Variants in FAM184B observed in about 807,000 individuals in gnomAD.
FAM184B encodes family with sequence similarity 184 member B.
A neutral mutation model predicts 135.9 loss-of-function variants in FAM184B; 111 were observed. The ratio of observed to expected loss-of-function variants is 0.82; its 90% CI spans 0.70 to 0.96. FAM184B has a LOEUF of 0.96. Ranked by LOEUF, FAM184B falls within the 40% of genes least tolerant of loss-of-function variation. The probability of loss-of-function intolerance (pLI) is 0.00; values close to 1 mark genes in which losing one functional copy is unlikely to be tolerated. For synonymous variants in FAM184B, 552 were observed against 524.8 expected (o/e 1.05, Z -0.71); for missense variants, 1,375 against 1,323.9 (o/e 1.04, Z -0.60).
At chr4:17,692,834 G>A (rs1404717123) in intron 6 of FAM184B, among the ~76,000 whole-genome samples, 1 of 152,000 alleles carries the variant, frequency 6.6e-6, no homozygotes, top group Non-Finnish European at 1.5e-5. Context: ...TACTTTTAGG[G>A]GCCCACGAAA....
intron 1 of FAM184B, among the ~76,000 whole-genome samples, chr4:17,778,344 T>A (rs551478489): frequency 6.6e-6 from 1 of 152,248 alleles, no homozygotes; most frequent in South Asian, 2.1e-4. Flanking sequence ...TCCAAATAAA[T>A]CATCATACAA....
At chr4:17,695,214 G>A (rs1280652661) in intron 5 of FAM184B, among the ~76,000 whole-genome samples, 1 of 151,456 alleles carries the variant, frequency 6.6e-6, no homozygotes, top group African/African-American at 2.4e-5. Flanking sequence ...ACTGGATGGA[G>A]TACAATAGCA....
At chr4:17,644,354 A>T (rs1715406210) in intron 12 of FAM184B, among the ~76,000 whole-genome samples, 1 of 152,208 alleles carries the variant, frequency 6.6e-6, no homozygotes, top group South Asian at 2.1e-4. Flanking sequence ...CTGGCAAACC[A>T]AATCCAGCAG....
At chr4:17,748,505 A>ATTTT (rs34998803) in intron 1 of FAM184B, among the ~76,000 whole-genome samples, 12 of 98,558 alleles carry the variant, frequency 1.2e-4, no homozygotes, top group African/African-American at 3.0e-4. Context: ...CTCTTGTGTA[A>ATTTT]TTTTTTTTTT....
intron 1 of FAM184B, among the ~76,000 whole-genome samples, chr4:17,767,113 C>G (rs967814315): frequency 2.0e-5 from 3 of 152,258 alleles, no homozygotes; most frequent in East Asian, 1.9e-4. Context: ...GCGGGGCCGC[C>G]GAGCCAACGC....
At chr4:17,649,313 G>A (rs1038385238) in intron 11 of FAM184B, among the ~76,000 whole-genome samples, 3 of 152,176 alleles carry the variant, frequency 2.0e-5, no homozygotes, top group African/African-American at 7.2e-5. Context: ...GGCCAGGCGT[G>A]GTGGCTCATG....
intron 2 of FAM184B, 63 bp downstream of exon 2, chr4:17,708,829 G>T (rs890001401): frequency 6.2e-6 from 9 of 1,447,858 alleles, no homozygotes; most frequent in Non-Finnish European, 7.3e-6. Flanking sequence ...TCTATAGCAG[G>T]TTCACAATAA....
chr4:17,658,640 A>G (rs1317605266), intron 9 of FAM184B, 78 bp from the exon 10 acceptor site: 1 of 1,362,886 alleles, frequency 7.3e-7, no homozygotes, highest in East Asian at 2.5e-5. Flanking sequence ...AAGCTTTCTA[A>G]ATGTTACCTC....
intron 7 of FAM184B, among the ~76,000 whole-genome samples, chr4:17,675,975 T>G (rs1270151317): frequency 6.6e-6 from 1 of 152,230 alleles, no homozygotes. Context: ...TTTGCTTTCT[T>G]ATTACTCATG....
intron 12 of FAM184B, among the ~76,000 whole-genome samples, chr4:17,645,991 C>T (rs1201545706): frequency 6.6e-6 from 1 of 152,200 alleles, no homozygotes; most frequent in African/African-American, 2.4e-5. Context: ...CTCATCATCA[C>T]TGGCCATCAG....
chr4:17,740,977 T>C (rs1718020485), intron 1 of FAM184B, among the ~76,000 whole-genome samples: 1 of 152,188 alleles, frequency 6.6e-6, no homozygotes, highest in South Asian at 2.1e-4. Flanking sequence ...CCCCAGTTTC[T>C]TAGTAAGGAG....
At chr4:17,638,419 C>T (rs996574709) in intron 14 of FAM184B, among the ~76,000 whole-genome samples, 1 of 151,646 alleles carries the variant, frequency 6.6e-6, no homozygotes, top group African/African-American at 2.4e-5. Flanking sequence ...TCTCGAACTC[C>T]TGGGCTCAAG....
intron 7 of FAM184B, among the ~76,000 whole-genome samples, chr4:17,674,159 T>A (rs1716257830): frequency 6.6e-6 from 1 of 152,134 alleles, no homozygotes; most frequent in Non-Finnish European, 1.5e-5. Flanking sequence ...AGTGTGCAAA[T>A]CACTTTTAAT....
intron 11 of FAM184B, among the ~76,000 whole-genome samples, chr4:17,649,459 C>T (rs1715550308): frequency 6.6e-6 from 1 of 152,060 alleles, no homozygotes; most frequent in East Asian, 1.9e-4. Context: ...TGGCAGGTGC[C>T]TGTAGTCCCA....
intron 5 of FAM184B, among the ~76,000 whole-genome samples, chr4:17,696,911 A>G (rs927426950): frequency 1.3e-5 from 2 of 152,174 alleles, no homozygotes; most frequent in African/African-American, 4.8e-5. Context: ...GATGAGGTAG[A>G]AGAGAGCAAT....
chr4:17,649,180 G>A (rs1715541703), intron 11 of FAM184B, among the ~76,000 whole-genome samples: 1 of 152,150 alleles, frequency 6.6e-6, no homozygotes, highest in South Asian at 2.1e-4. Flanking sequence ...AAATGGATGA[G>A]GTGATAAAAG....
intron 1 of FAM184B, among the ~76,000 whole-genome samples, chr4:17,767,705 GC>G (rs1718731830): frequency 1.8e-5 from 1 of 56,772 alleles, no homozygotes; most frequent in South Asian, 5.0e-4. Flanking sequence ...CCCCCTCCCC[GC>G]CCCCCACCCC....
At chr4:17,692,700 C>G (rs1243417269) in intron 6 of FAM184B, among the ~76,000 whole-genome samples, 1 of 152,026 alleles carries the variant, frequency 6.6e-6, no homozygotes, top group East Asian at 1.9e-4. Flanking sequence ...AGACACAGGT[C>G]TCATGTGGAA....
intron 7 of FAM184B, among the ~76,000 whole-genome samples, chr4:17,666,119 A>G (rs2108945344): frequency 6.6e-6 from 1 of 152,214 alleles, no homozygotes; most frequent in South Asian, 2.1e-4. Flanking sequence ...TCCCTGGCTT[A>G]AAGCTTAGGC....
Sources: allele counts gnomAD v4.1 joint callset (sites outside exome capture counted in the v4.1 genomes callset), GRCh38; gene constraint gnomAD v4.1.1; transcripts MANE v1.5; gene names NCBI Gene and HGNC (gene_info 2026-07-23, HGNC 2026-07-21).